NCKAP5: variants seen among roughly 807,000 people sequenced by gnomAD.
The protein encoded by NCKAP5 is nck-associated protein 5.
In NCKAP5, 92 loss-of-function variants were observed where a neutral mutation model predicts 167.0. The observed-to-expected ratio is 0.55, with a 90% CI of 0.47 to 0.66. NCKAP5 has a LOEUF of 0.66. NCKAP5 is among the 30% of genes least tolerant of loss of function. The pLI is 0.00. For missense variants in NCKAP5, 2,378 were observed against 2,315.0 expected (o/e 1.03, Z -0.56); for synonymous variants, 891 against 877.4 (o/e 1.02, Z -0.27).
chr2:132,999,230 C>A (rs1200652568), intron 6 of NCKAP5, among the ~76,000 whole-genome samples: 1 of 152,100 alleles, frequency 6.6e-6, no homozygotes, highest in Admixed American at 6.6e-5. Flanking sequence ...TCAATAAATT[C>A]TTATTACACT....
At chr2:132,683,423 C>T (rs993891972) in intron 19 of NCKAP5, among the ~76,000 whole-genome samples, 2 of 152,170 alleles carry the variant, frequency 1.3e-5, no homozygotes, top group Non-Finnish European at 2.9e-5. Context: ...AGAGCAAAGA[C>T]ATGTGGATTC....
intron 19 of NCKAP5, among the ~76,000 whole-genome samples, chr2:132,694,534 T>C (rs1180615428): frequency 6.6e-6 from 1 of 152,168 alleles, no homozygotes; most frequent in African/African-American, 2.4e-5. Flanking sequence ...CTAGTAAAAT[T>C]TGAAAATGCT....
intron 5 of NCKAP5, among the ~76,000 whole-genome samples, chr2:133,179,232 GTT>G (rs374396477): frequency 5.9e-5 from 8 of 136,244 alleles, no homozygotes; most frequent in Admixed American, 7.4e-5. Flanking sequence ...TTCAGATTTG[GTT>G]TTTTTTTTTT....
At chr2:133,051,361 G>A (rs1195622838) in intron 6 of NCKAP5, among the ~76,000 whole-genome samples, 1 of 152,028 alleles carries the variant, frequency 6.6e-6, no homozygotes, top group Non-Finnish European at 1.5e-5. Context: ...TAACCAAAAA[G>A]GTCTTAGAAA....
chr2:133,640,067 A>G, the NCKAP5 span, among the ~76,000 whole-genome samples: 1 of 152,204 alleles, frequency 6.6e-6, no homozygotes, highest in Non-Finnish European at 1.5e-5. Context: ...ATTTAGTCCC[A>G]CTATAAATAA....
intron 8 of NCKAP5, among the ~76,000 whole-genome samples, chr2:132,948,831 G>C (rs142143150): frequency 6.6e-6 from 1 of 152,064 alleles, no homozygotes; most frequent in Non-Finnish European, 1.5e-5. Flanking sequence ...GCAGCCCATG[G>C]ACACAAGTAA....
chr2:132,914,322 C>A (rs1282092079), intron 8 of NCKAP5, among the ~76,000 whole-genome samples: 2 of 150,612 alleles, frequency 1.3e-5, no homozygotes, highest in Admixed American at 1.3e-4. Context: ...CCCACATGCT[C>A]CAAAACAGTA....
At chr2:133,290,664 G>T (rs1302117952) in intron 4 of NCKAP5, among the ~76,000 whole-genome samples, 2 of 149,590 alleles carry the variant, frequency 1.3e-5, no homozygotes, top group Admixed American at 6.7e-5. Context: ...TTTTTTTCTT[G>T]CATGGACTTA....
At chr2:133,085,119 A>G (rs2080943187) in intron 6 of NCKAP5, among the ~76,000 whole-genome samples, 1 of 152,186 alleles carries the variant, frequency 6.6e-6, no homozygotes, top group African/African-American at 2.4e-5. Flanking sequence ...TTTGGCCTGC[A>G]AACTGTAGTT....
intron 13 of NCKAP5, among the ~76,000 whole-genome samples, chr2:132,788,526 C>T (rs1185483787): frequency 6.6e-6 from 1 of 152,140 alleles, no homozygotes; most frequent in Non-Finnish European, 1.5e-5. Flanking sequence ...AACTTCTTAG[C>T]ACCTCAGTGT....
chr2:132,713,319 G>A (rs1184713091), intron 19 of NCKAP5, among the ~76,000 whole-genome samples: 2 of 152,278 alleles, frequency 1.3e-5, no homozygotes, highest in East Asian at 3.9e-4. Flanking sequence ...GAAGCATGAA[G>A]ACTCACTTCC....
chr2:133,353,750 G>T (rs1559409543), intron 3 of NCKAP5, among the ~76,000 whole-genome samples: 1 of 152,182 alleles, frequency 6.6e-6, no homozygotes, highest in Non-Finnish European at 1.5e-5. Flanking sequence ...GAGAGGCTCA[G>T]CTGGGGATAG....
chr2:132,798,391 G>C (rs1684772002), intron 11 of NCKAP5, among the ~76,000 whole-genome samples: 1 of 152,144 alleles, frequency 6.6e-6, no homozygotes, highest in African/African-American at 2.4e-5. Context: ...GATTGAGAGA[G>C]TGCCAAAAGA....
At chr2:132,704,508 C>G (rs1170056104) in intron 19 of NCKAP5, among the ~76,000 whole-genome samples, 1 of 152,184 alleles carries the variant, frequency 6.6e-6, no homozygotes, top group African/African-American at 2.4e-5. Flanking sequence ...GCATTCCCAC[C>G]AATAACAACA....
intron 2 of NCKAP5, among the ~76,000 whole-genome samples, chr2:133,541,690 A>C (rs1686236960): frequency 6.6e-6 from 1 of 152,172 alleles, no homozygotes; most frequent in African/African-American, 2.4e-5. Context: ...GCCAAAAAAA[A>C]AATAAGAAAA....
chr2:132,750,353 C>T (rs1246182861), intron 16 of NCKAP5, among the ~76,000 whole-genome samples: 2 of 152,092 alleles, frequency 1.3e-5, no homozygotes, highest in Non-Finnish European at 2.9e-5. Flanking sequence ...TTGGTATCAT[C>T]AAGGGTAACT....
intron 17 of NCKAP5, among the ~76,000 whole-genome samples, chr2:132,730,649 G>A (rs374784214): frequency 8.5e-5 from 13 of 152,298 alleles, no homozygotes; most frequent in African/African-American, 2.4e-4. Context: ...GTTTAATCAC[G>A]GAGTCTACAG....
chr2:133,509,321 C>G (rs2151417685), intron 3 of NCKAP5, among the ~76,000 whole-genome samples: 1 of 152,284 alleles, frequency 6.6e-6, no homozygotes, highest in South Asian at 2.1e-4. Context: ...ATCCAGGACA[C>G]CATATTAATA....
At chr2:133,374,057 A>C (rs1364838105) in intron 3 of NCKAP5, among the ~76,000 whole-genome samples, 2 of 152,232 alleles carry the variant, frequency 1.3e-5, no homozygotes, top group African/African-American at 4.8e-5. Context: ...AAACCTCCAC[A>C]CAGATGTTTA....
Sources: allele counts gnomAD v4.1 joint callset (sites outside exome capture counted in the v4.1 genomes callset), GRCh38; gene constraint gnomAD v4.1.1; transcripts MANE v1.5; gene names NCBI Gene and HGNC (gene_info 2026-07-23, HGNC 2026-07-21).